The following CXADR variants were observed in gnomAD, a reference collection of about 807,000 sequenced individuals.
CXADR encodes the protein CXADR cell adhesion molecule, also known as coxsackievirus and adenovirus receptor.
In CXADR, 20 loss-of-function variants were observed where a neutral mutation model predicts 40.3. The observed-to-expected ratio is 0.50, with a 90% confidence interval of 0.35 to 0.72. CXADR has a LOEUF of 0.72. CXADR is among the 30% of genes least tolerant of loss of function. The pLI is 0.01. For missense variants in CXADR, 332 were observed against 449.1 expected, an observed-to-expected ratio of 0.74 and a Z score of 2.36; for synonymous variants, 150 against 161.3, an observed-to-expected ratio of 0.93 and a Z score of 0.53.
the CXADR span, among the ~76,000 whole-genome samples, chr21:17,630,692 T>TGAA: frequency 1.3e-5 from 2 of 150,560 alleles, no homozygotes; most frequent in African/African-American, 4.9e-5. Context: ...ATTGATTTGT[T>TGAA]GAAGAAAATG....
rs2061254135 is a variant in CXADR at position 17,569,259 on chromosome 21, A to G, written c.*3567A>G. The G allele has an allele frequency of 1.0e-6, 1 of 985,386 alleles. No homozygotes were observed. Among genetic ancestry groups the G allele is most frequent in the Non-Finnish European group, 1.2e-6 (1 of 829,922 alleles). 61.0% of individuals were successfully genotyped at this position (985,386 alleles called of 1,614,324 possible). A position where few individuals can be genotyped will look rare whatever the true frequency, so the allele number is the denominator to read the frequency against. ...GATGCCTTATTCCAGTGTGAACAGA[A>G]AAAGTTCATATTTTATGTGGTTAAT... On this transcript the variant is annotated 3_prime_UTR_variant, in exon 7 of 7. Coordinates refer to ENST00000284878, the MANE Select transcript of CXADR (RefSeq NM_001338.5).
At chr21:17,514,565 G>GAAAAAAAAAAAAA (rs11289742) in intron 1 of CXADR, among the ~76,000 whole-genome samples, 1 of 142,460 alleles carries the variant, frequency 7.0e-6, no homozygotes, top group Non-Finnish European at 1.5e-5. Context: ...TGTTCTCTGG[G>GAAAAAAAAAAAAA]AAAAAAAAAA....
chr21:17,604,844 A>G, the CXADR span: 21 of 1,608,974 alleles, frequency 1.3e-5, no homozygotes, highest in East Asian at 4.0e-4. Context: ...TTCAGCCTCT[A>G]AACTTGAGAA....
At chr21:17,627,941 T>C in the CXADR span, among the ~76,000 whole-genome samples, 2 of 152,220 alleles carry the variant, frequency 1.3e-5, no homozygotes, top group Non-Finnish European at 1.5e-5. Context: ...TTCTTTCTTT[T>C]AGTTGATTAA....
At chr21:17,529,080 C>T (rs1045009955) in intron 1 of CXADR, among the ~76,000 whole-genome samples, 3 of 146,664 alleles carry the variant, frequency 2.0e-5, no homozygotes, top group Non-Finnish European at 4.5e-5. Context: ...ACTCTGTCAC[C>T]TAGGCTGGAG....
At chr21:17,533,330 G>A (rs1161342296) in intron 1 of CXADR, among the ~76,000 whole-genome samples, 2 of 152,154 alleles carry the variant, frequency 1.3e-5, no homozygotes, top group Non-Finnish European at 2.9e-5. Flanking sequence ...TAGAAATGTA[G>A]CATAGAAGAA....
chr21:17,521,386 G>A (rs1325457434), intron 1 of CXADR, among the ~76,000 whole-genome samples: 6 of 151,962 alleles, frequency 3.9e-5, no homozygotes, highest in Non-Finnish European at 8.8e-5. Context: ...GCAGTGGCAC[G>A]ATCACGGTTC....
At chr21:17,536,674 T>C (rs1036613511) in intron 1 of CXADR, among the ~76,000 whole-genome samples, 1 of 152,160 alleles carries the variant, frequency 6.6e-6, no homozygotes, top group Non-Finnish European at 1.5e-5. Flanking sequence ...AGAGGAAATG[T>C]ATAAAACAGA....
chr21:17,604,808 A>C, the CXADR span: 1 of 1,577,612 alleles, frequency 6.3e-7, no homozygotes, highest in African/African-American at 1.4e-5. Context: ...AGAATGTCAT[A>C]AAATTAGTTC....
At chr21:17,601,740 C>T in the CXADR span, among the ~76,000 whole-genome samples, 5 of 152,126 alleles carry the variant, frequency 3.3e-5, no homozygotes, top group African/African-American at 1.2e-4. Flanking sequence ...TGACTTAGGC[C>T]TATCTTCAGT....
At chr21:17,634,160 A>T in the CXADR span, among the ~76,000 whole-genome samples, 1 of 152,194 alleles carries the variant, frequency 6.6e-6, no homozygotes, top group Non-Finnish European at 1.5e-5. Context: ...GAGGAAATAA[A>T]ATTTTAAAAG....
intron 7 of CXADR, among the ~76,000 whole-genome samples, chr21:17,587,727 G>C (rs1388614062): frequency 6.6e-6 from 1 of 151,996 alleles, no homozygotes; most frequent in Non-Finnish European, 1.5e-5. Context: ...CTGTGCAGAA[G>C]CTCTTTAGTT....
intron 1 of CXADR, among the ~76,000 whole-genome samples, chr21:17,522,440 G>T (rs1336230395): frequency 6.6e-6 from 1 of 152,104 alleles, no homozygotes; most frequent in African/African-American, 2.4e-5. Context: ...GAGCCACTGC[G>T]CTCAGCCTTT....
chr21:17,616,936 C>G, the CXADR span, among the ~76,000 whole-genome samples: 1 of 152,146 alleles, frequency 6.6e-6, no homozygotes, highest in Non-Finnish European at 1.5e-5. Context: ...TTGCAATCTT[C>G]ATTATTTTCT....
the CXADR span, among the ~76,000 whole-genome samples, chr21:17,605,965 T>A: frequency 6.6e-6 from 1 of 152,178 alleles, no homozygotes; most frequent in African/African-American, 2.4e-5. Flanking sequence ...CGCTGTAAAA[T>A]ACAATGATAT....
chr21:17,594,490 G>A (rs983318240), downstream of CXADR, among the ~76,000 whole-genome samples: 9 of 152,034 alleles, frequency 5.9e-5, no homozygotes, highest in Admixed American at 5.2e-4. Context: ...AACCTCATGT[G>A]TAATAGGCGT....
the CXADR span, among the ~76,000 whole-genome samples, chr21:17,619,660 C>T: frequency 6.6e-6 from 1 of 151,726 alleles, no homozygotes; most frequent in African/African-American, 2.4e-5. Flanking sequence ...GCATTGACTT[C>T]TCTCCAGTTA....
rs1159867585 is a variant in CXADR, at chr21:17,560,788, T to G, written c.658T>G (p.Ser220Ala). 1 of 1,614,038 alleles carries G rather than the reference T, an allele frequency of 6.2e-7. No homozygotes were observed. The highest frequency in any genetic ancestry group is 8.5e-7 in the Non-Finnish European group (1 of 1,179,946). ...YSCTVRNRVG[S>A]DQCLLRLNVV... The stretch of plus-strand genomic sequence containing the variant: ...CTGTACAGTCAGAAACAGAGTGGGC[T>G]CTGATCAGTGCCTGTTGCGTCTAAA... The change falls in exon 5 of 7, where the codon TCT (serine) becomes GCT (alanine). Residue 220 changes from serine (S) to alanine (A), a missense_variant. By Grantham distance (99) the Ser-to-Ala change is moderately conservative (BLOSUM62 1). Coordinates refer to ENST00000284878, the MANE Select transcript of CXADR (RefSeq NM_001338.5).
downstream of CXADR, chr21:17,594,111 G>A (rs781567034): frequency 6.2e-7 from 1 of 1,613,038 alleles, no homozygotes; most frequent in Non-Finnish European, 8.5e-7. Flanking sequence ...GTGCTAACAT[G>A]TGAGGATTAA....
Sources: gnomAD v4.1 joint callset for allele counts (sites outside exome capture counted in the v4.1 genomes callset) on GRCh38, gnomAD v4.1.1 for gene constraint, MANE v1.5 for transcripts, NCBI Gene and HGNC (gene_info 2026-07-23, HGNC 2026-07-21) for gene names.